The following POC1B variants were observed in gnomAD, a reference collection of about 807,000 sequenced individuals.
POC1B encodes POC1 centriolar protein homolog B.
Under a neutral mutation model 60.6 loss-of-function variants are expected in POC1B, and 44 were observed. The observed-to-expected ratio is 0.73, with a 90% CI of 0.57 to 0.93. The LOEUF is 0.93. POC1B is among the 40% of genes least tolerant of loss of function. The pLI is 0.00. For missense variants in POC1B, 555 were observed against 572.3 expected, an observed-to-expected ratio of 0.97 and a Z score of 0.31; for synonymous variants, 180 against 198.9, an observed-to-expected ratio of 0.90 and a Z score of 0.80.
intron 2 of POC1B, among the ~76,000 whole-genome samples, chr12:89,509,833 C>G (rs1257415803): frequency 6.6e-6 from 1 of 152,136 alleles, no homozygotes; most frequent in Non-Finnish European, 1.5e-5. Flanking sequence ...ATCCCACTAA[C>G]TAGAGTTCAG....
intron 7 of POC1B, 74 bp downstream of exon 7, chr12:89,470,287 A>C (rs1330822316): frequency 2.2e-6 from 2 of 897,520 alleles, no homozygotes; most frequent in Non-Finnish European, 1.4e-6. Context: ...GGGACATAAA[A>C]ATGGATCAGA....
chr12:89,467,723 G>A, intron 7 of POC1B, 38 bp from the exon 8 acceptor site: 1 of 1,504,340 alleles, frequency 6.6e-7, no homozygotes, highest in Non-Finnish European at 9.2e-7. Flanking sequence ...AAAGTACTTG[G>A]TAATGCTTTC....
rs759962945 is a variant in POC1B at position 89,491,946 on chromosome 12, G to T, written c.442C>A (p.Arg148Ser). The T allele has an allele frequency of 1.9e-6, 3 of 1,542,728 alleles. No homozygotes were observed. The highest frequency in any genetic ancestry group is 2.3e-5 in the East Asian group (1 of 43,358). The change falls in exon 4 of 12, where the codon CGC becomes AGC. Residue 148 changes from arginine to serine, a missense_variant. Physicochemically the swap from Arg to Ser is moderately radical, Grantham distance 110. Transcript: ENST00000313546. ...ATTTTTTGCACTTACTTGGCACAGC[G>T]TACCCAGTGTGTATGTCGATACAAG... ...YSLYRHTHWV[R>S]CAKFSPDGRL...
intron 10 of POC1B, among the ~76,000 whole-genome samples, chr12:89,453,546 A>T (rs1882138568): frequency 6.6e-6 from 1 of 152,208 alleles, no homozygotes; most frequent in Non-Finnish European, 1.5e-5. Context: ...AAAGTTATAG[A>T]TAAATACACC....
rs1249913986 is a variant in POC1B, at chr12:89,501,874, G to A, written c.101-4532C>T. 1.6e-5 allele frequency: 19 copies of A among 1,206,490 alleles called. No individual in the cohort carries two copies. In the Admixed American group the frequency reaches 2.5e-4, roughly 16 times the overall value. The allele number at this position is 1,206,490 out of a possible 1,614,324, so 74.7% of individuals were successfully genotyped here. On this transcript the variant is annotated intron_variant, in intron 2 of 11. Transcript: ENST00000313546. ...GACAGCAACTAAAGACAGCCAAAGA[G>A]TACAGAAGTTTTTAAATGCTAAAGG...
chr12:89,445,276 C>G (rs1455964172), intron 10 of POC1B, among the ~76,000 whole-genome samples: 2 of 151,944 alleles, frequency 1.3e-5, no homozygotes, highest in African/African-American at 4.8e-5. Context: ...CATATGGAAC[C>G]AAAAAAGAGC....
the POC1B span, among the ~76,000 whole-genome samples, chr12:89,409,946 C>G: frequency 1.3e-5 from 2 of 152,210 alleles, no homozygotes; most frequent in Non-Finnish European, 2.9e-5. Flanking sequence ...TCCTCCCTAT[C>G]TCATTTTATG....
chr12:89,494,373 C>G (rs1869136886), intron 3 of POC1B, among the ~76,000 whole-genome samples: 1 of 152,154 alleles, frequency 6.6e-6, no homozygotes, highest in African/African-American at 2.4e-5. Context: ...TCTTAGCCTT[C>G]TGGTCACCAG....
intron 2 of POC1B, chr12:89,524,744 C>G: frequency 1.5e-6 from 1 of 647,076 alleles, no homozygotes; most frequent in South Asian, 2.0e-5. Flanking sequence ...CGGCACAGCC[C>G]AACTCCTCTC....
intron 4 of POC1B, among the ~76,000 whole-genome samples, chr12:89,478,512 C>T (rs1332437987): frequency 2.0e-5 from 3 of 152,098 alleles, no homozygotes; most frequent in African/African-American, 7.2e-5. Flanking sequence ...ACTCAATGCT[C>T]TATCCCCAGA....
chr12:89,408,020 C>G, the POC1B span, among the ~76,000 whole-genome samples: 1 of 152,140 alleles, frequency 6.6e-6, no homozygotes, highest in South Asian at 2.1e-4. Flanking sequence ...TATGTTCTCA[C>G]TGTTCAACTC....
At chr12:89,450,784 GGAATA>G (rs1156578417) in intron 10 of POC1B, among the ~76,000 whole-genome samples, 1 of 152,102 alleles carries the variant, frequency 6.6e-6, no homozygotes, top group Admixed American at 6.5e-5. Context: ...AAACAGTATT[GGAATA>G]GGCATCCTTG....
intron 2 of POC1B, among the ~76,000 whole-genome samples, chr12:89,499,236 G>A (rs1869419318): frequency 6.6e-6 from 1 of 152,140 alleles, no homozygotes; most frequent in African/African-American, 2.4e-5. Flanking sequence ...TATCCTAAGC[G>A]AATTAATGCA....
intron 3 of POC1B, among the ~76,000 whole-genome samples, chr12:89,496,779 T>C (rs1236701150): frequency 1.3e-5 from 2 of 152,110 alleles, no homozygotes; most frequent in Non-Finnish European, 2.9e-5. Context: ...GGGTTTTCAA[T>C]AGGGATCCAA....
intron 4 of POC1B, among the ~76,000 whole-genome samples, chr12:89,489,001 C>T (rs1264656913): frequency 6.6e-6 from 1 of 152,174 alleles, no homozygotes; most frequent in East Asian, 1.9e-4. Context: ...TCTCTGCCTC[C>T]TCTTCTTATT....
intron 2 of POC1B, among the ~76,000 whole-genome samples, chr12:89,505,000 A>G (rs1869827750): frequency 6.6e-6 from 1 of 152,202 alleles, no homozygotes; most frequent in Non-Finnish European, 1.5e-5. Flanking sequence ...CACACTACCC[A>G]ACAACAACAA....
chr12:89,448,327 C>G (rs780071866), intron 10 of POC1B, among the ~76,000 whole-genome samples: 1 of 152,036 alleles, frequency 6.6e-6, no homozygotes, highest in Non-Finnish European at 1.5e-5. Context: ...CACACAACAG[C>G]AACAAAAGGC....
intron 4 of POC1B, among the ~76,000 whole-genome samples, chr12:89,490,807 A>C (rs1405933447): frequency 6.6e-6 from 1 of 152,166 alleles, no homozygotes; most frequent in Non-Finnish European, 1.5e-5. Flanking sequence ...GTTCTTCCTG[A>C]CTTTGCTGCG....
intron 11 of POC1B, among the ~76,000 whole-genome samples, chr12:89,423,241 G>A (rs975643560): frequency 3.9e-5 from 6 of 152,134 alleles, no homozygotes; most frequent in Non-Finnish European, 7.3e-5. Context: ...CGAGCTGGGC[G>A]AATCGCTTGA....
Sources: allele counts gnomAD v4.1 joint callset (sites outside exome capture counted in the v4.1 genomes callset), GRCh38; gene constraint gnomAD v4.1.1; transcripts MANE v1.5; gene names NCBI Gene and HGNC (gene_info 2026-07-23, HGNC 2026-07-21).